Variants in CERT1 observed in about 807,000 individuals in gnomAD.
The protein encoded by CERT1 is ceramide transporter 1.
A neutral mutation model predicts 87.9 loss-of-function variants in CERT1; 31 were observed. The ratio of observed to expected loss-of-function variants is 0.35; its 90% CI spans 0.27 to 0.48. CERT1 has a LOEUF of 0.48. Ranked by LOEUF, CERT1 falls within the 20% of genes least tolerant of loss-of-function variation. The pLI is 0.99. For synonymous variants in CERT1, 289 were observed against 250.9 expected (o/e 1.15, Z -1.44); for missense variants, 487 against 758.0 (o/e 0.64, Z 4.20).
chr5:75,370,665 A>C (rs1282717546), intron 17 of CERT1: 1 of 152,096 alleles, frequency 6.6e-6, no homozygotes, highest in South Asian at 2.1e-4. Context: ...TTAAAAAAAA[A>C]ACTGAGCTGG....
intron 11 of CERT1, among the ~76,000 whole-genome samples, chr5:75,393,602 T>TAAAA (rs60898983): frequency 0.079 from 2,567 of 32,604 alleles, 261 homozygotes; most frequent in South Asian, 0.11. Context: ...CTCATCTACT[T>TAAAA]AAAAAAAAAA....
chr5:75,393,948 T>C (rs528939802), intron 11 of CERT1, among the ~76,000 whole-genome samples: 1 of 151,548 alleles, frequency 6.6e-6, no homozygotes, highest in South Asian at 2.1e-4. Flanking sequence ...CTGGGCAACA[T>C]AGCAAGACTC....
At chr5:75,401,792 T>C (rs1762500665) in intron 9 of CERT1, 1 of 152,196 alleles carries the variant, frequency 6.6e-6, no homozygotes, top group African/African-American at 2.4e-5. Context: ...AAGAGCATAA[T>C]AGCCATGACT....
At chr5:75,438,594 T>A (rs1764188987) in intron 3 of CERT1, among the ~76,000 whole-genome samples, 1 of 152,128 alleles carries the variant, frequency 6.6e-6, no homozygotes, top group Non-Finnish European at 1.5e-5. Context: ...GTGAACTCAT[T>A]TACAACCTCT....
chr5:75,411,196 AT>A, intron 7 of CERT1, 93 bp from the exon 8 acceptor site: 1 of 684,468 alleles, frequency 1.5e-6, no homozygotes, highest in South Asian at 2.0e-5. Flanking sequence ...TTTCACTGAA[AT>A]TTTACAATTT....
intron 12 of CERT1, among the ~76,000 whole-genome samples, chr5:75,388,680 C>T (rs987050578): frequency 7.0e-6 from 1 of 142,796 alleles, no homozygotes; most frequent in Non-Finnish European, 1.5e-5. Context: ...GGCTAGAGTG[C>T]AGTGGCACAA....
At chr5:75,406,571 CAGTT>C (rs1188239453) in intron 8 of CERT1, among the ~76,000 whole-genome samples, 1 of 146,990 alleles carries the variant, frequency 6.8e-6, no homozygotes, top group Non-Finnish European at 1.5e-5. Context: ...GATGGAGTCT[CAGTT>C]GGTTGCCCAG....
chr5:75,488,530 T>G (rs1374393446), intron 2 of CERT1, among the ~76,000 whole-genome samples: 1 of 152,086 alleles, frequency 6.6e-6, no homozygotes, highest in Middle Eastern at 3.2e-3. Flanking sequence ...AACTGTAAAT[T>G]TTAAGTTTTA....
intron 2 of CERT1, among the ~76,000 whole-genome samples, chr5:75,468,724 T>C (rs914399186): frequency 2.6e-5 from 4 of 152,080 alleles, no homozygotes; most frequent in Non-Finnish European, 4.4e-5. Flanking sequence ...TAATTCTGGG[T>C]ACAGAAAGCC....
At chr5:75,485,933 GA>G (rs1766502756) in intron 2 of CERT1, among the ~76,000 whole-genome samples, 2 of 151,990 alleles carry the variant, frequency 1.3e-5, no homozygotes, top group African/African-American at 4.8e-5. Flanking sequence ...AACACCGAAG[GA>G]AGAACTAAAC....
chr5:75,511,679 C>T, upstream of CERT1: 1 of 1,530,742 alleles, frequency 6.5e-7, no homozygotes, highest in African/African-American at 1.4e-5. Context: ...CCCATTCTCC[C>T]CCACTACTCC....
intron 9 of CERT1, 122 bp from the exon 10 acceptor site, chr5:75,400,419 T>C (rs768795169): frequency 3.2e-6 from 2 of 621,060 alleles, no homozygotes; most frequent in Middle Eastern, 3.2e-4. Flanking sequence ...CTTATAACCA[T>C]TAGAATTATG....
chr5:75,379,588 CTTT>C, intron 16 of CERT1, 115 bp from the exon 17 acceptor site: 1 of 865,488 alleles, frequency 1.2e-6, no homozygotes, highest in East Asian at 3.0e-5. Context: ...CAATTAGCAT[CTTT>C]TTTTTTTCTT....
At chr5:75,401,111 A>G (rs1762456141) in intron 9 of CERT1, 1 of 152,186 alleles carries the variant, frequency 6.6e-6, no homozygotes, top group South Asian at 2.1e-4. Flanking sequence ...TCACTACTCT[A>G]TAGAGTATTA....
chr5:75,491,420 G>C (rs1279076669), intron 2 of CERT1, among the ~76,000 whole-genome samples: 1 of 152,006 alleles, frequency 6.6e-6, no homozygotes, highest in Non-Finnish European at 1.5e-5. Context: ...ACATTTAAAT[G>C]GCTGTCTAGC....
intron 3 of CERT1, among the ~76,000 whole-genome samples, chr5:75,450,643 G>A (rs1002491800): frequency 1.3e-5 from 2 of 152,166 alleles, no homozygotes; most frequent in African/African-American, 2.4e-5. Flanking sequence ...AGCCACCCAT[G>A]AGACTTCATC....
At position 75,507,930 on chromosome 5, in the gene CERT1, A is replaced by G. The variant is rs778205165; in HGVS notation, c.97-1814T>C. 1.4e-4 allele frequency among the ~76,000 whole-genome samples: 21 copies of G among 152,218 alleles called. 1 individual carries two copies. Among genetic ancestry groups the G allele is most frequent in the Non-Finnish European group, 2.6e-4 (18 of 68,010 alleles). ...ACCCTTAAATTTGCCTCCTCTTCTC[A>G]TTTTCAACTATTCCAATCAAATTAT... is the stretch of plus-strand genomic sequence containing the variant. On this transcript the variant is annotated intron_variant, in intron 1 of 16. Transcript: ENST00000643780.
intron 2 of CERT1, among the ~76,000 whole-genome samples, chr5:75,480,202 T>C (rs1766170805): frequency 6.6e-6 from 1 of 152,220 alleles, no homozygotes; most frequent in South Asian, 2.1e-4. Flanking sequence ...ATTTACATAA[T>C]ATTCTGAACC....
At chr5:75,405,638 T>C (rs72633965) in intron 8 of CERT1, among the ~76,000 whole-genome samples, 19,313 of 152,056 alleles carry the variant, frequency 0.13, 1,344 homozygotes, top group East Asian at 0.23. Context: ...CCAAATACAA[T>C]AGTCTCCCCC....
Sources: allele counts gnomAD v4.1 joint callset (sites outside exome capture counted in the v4.1 genomes callset), GRCh38; gene constraint gnomAD v4.1.1; transcripts MANE v1.5; gene names NCBI Gene and HGNC (gene_info 2026-07-23, HGNC 2026-07-21).